The following PLCXD3 variants were observed in gnomAD, a reference collection of about 807,000 sequenced individuals.
PLCXD3 encodes PI-PLC X domain-containing protein 3.
In PLCXD3, 19 loss-of-function variants were observed where a neutral mutation model predicts 25.5. The ratio of observed to expected loss-of-function variants is 0.75; its 90% CI spans 0.52 to 1.09. PLCXD3 has a LOEUF of 1.09. Ranked by LOEUF, PLCXD3 falls within the 50% of genes least tolerant of loss-of-function variation. The pLI is 0.00. For synonymous variants in PLCXD3, 174 were observed against 137.6 expected (o/e 1.26, Z -1.85); for missense variants, 411 against 388.1 (o/e 1.06, Z -0.50).
intron 1 of PLCXD3, among the ~76,000 whole-genome samples, chr5:41,495,243 A>G (rs2150526967): frequency 6.6e-6 from 1 of 152,374 alleles, no homozygotes; most frequent in Non-Finnish European, 1.5e-5. Context: ...CTTTTGGAGA[A>G]GCCTGCCTAA....
chr5:41,509,963 T>G (rs1474762709), intron 1 of PLCXD3, among the ~76,000 whole-genome samples: 2 of 152,178 alleles, frequency 1.3e-5, no homozygotes, highest in Non-Finnish European at 2.9e-5. Flanking sequence ...TAGCCGAGAA[T>G]CTATCAAATC....
intron 1 of PLCXD3, among the ~76,000 whole-genome samples, chr5:41,495,245 C>G (rs898768808): frequency 2.0e-5 from 3 of 152,322 alleles, no homozygotes; most frequent in South Asian, 4.1e-4. Flanking sequence ...TTTGGAGAAG[C>G]CTGCCTAAGG....
At chr5:41,372,400 T>TCTTTAAC (rs1458258009) in intron 2 of PLCXD3, among the ~76,000 whole-genome samples, 1 of 151,718 alleles carries the variant, frequency 6.6e-6, no homozygotes, top group Non-Finnish European at 1.5e-5. Context: ...ACTTCTTTAG[T>TCTTTAAC]CTTTAACCTC....
At chr5:41,391,934 G>A (rs753433252) in intron 1 of PLCXD3, among the ~76,000 whole-genome samples, 6 of 152,160 alleles carry the variant, frequency 3.9e-5, no homozygotes, top group Non-Finnish European at 8.8e-5. Flanking sequence ...GTGGCCTGGG[G>A]TGGTGGTGGT....
intron 1 of PLCXD3, 29 bp downstream of exon 1, chr5:41,510,395 C>A: frequency 6.4e-7 from 1 of 1,570,708 alleles, no homozygotes; most frequent in South Asian, 1.1e-5. Context: ...GGGCGCCGAG[C>A]GCCTAGCCCG....
At chr5:41,490,432 G>T (rs1263340468) in intron 1 of PLCXD3, among the ~76,000 whole-genome samples, 1 of 152,082 alleles carries the variant, frequency 6.6e-6, no homozygotes, top group African/African-American at 2.4e-5. Context: ...TTTGGTATCA[G>T]GATGATGCTG....
intron 1 of PLCXD3, among the ~76,000 whole-genome samples, chr5:41,404,064 G>C (rs903196926): frequency 6.6e-6 from 1 of 152,088 alleles, no homozygotes; most frequent in Non-Finnish European, 1.5e-5. Flanking sequence ...GCTCTTCCAA[G>C]CAAATGACTC....
Position 41,437,665 on chromosome 5 carries a change from G to A in PLCXD3, c.104-55131C>T, listed in dbSNP as rs1375129751. 3.9e-5 allele frequency among the ~76,000 whole-genome samples: 6 copies of A among 152,330 alleles called. No individual in the cohort carries two copies. In the East Asian group the frequency reaches 1.2e-3, roughly 29 times the overall value. On this transcript the variant is annotated intron_variant, in intron 1 of 2. Transcript: ENST00000377801. The stretch of plus-strand genomic sequence containing the variant: ...CCCCATTGGTGCAAGAATAAAGACA[G>A]GAGTTTGAAGAAGAGTCGTAGGTCA...
At chr5:41,444,325 G>A (rs891250880) in intron 1 of PLCXD3, among the ~76,000 whole-genome samples, 2 of 152,124 alleles carry the variant, frequency 1.3e-5, no homozygotes, top group African/African-American at 4.8e-5. Context: ...TAGAATCAAA[G>A]GGAGTAAATT....
At chr5:41,426,166 C>G (rs909396570) in intron 1 of PLCXD3, among the ~76,000 whole-genome samples, 20 of 150,590 alleles carry the variant, frequency 1.3e-4, no homozygotes. Context: ...GTAGTGGTAT[C>G]TCATTGTTGT....
At chr5:41,320,327 A>G (rs1278574318) in intron 2 of PLCXD3, among the ~76,000 whole-genome samples, 1 of 152,176 alleles carries the variant, frequency 6.6e-6, no homozygotes, top group Non-Finnish European at 1.5e-5. Flanking sequence ...AAAAAACAAC[A>G]ACTATAAGCC....
At chr5:41,393,487 G>A (rs1215435977) in intron 1 of PLCXD3, among the ~76,000 whole-genome samples, 1 of 152,144 alleles carries the variant, frequency 6.6e-6, no homozygotes, top group East Asian at 1.9e-4. Flanking sequence ...CAAACATGAA[G>A]CAGAAATGGA....
intron 1 of PLCXD3, among the ~76,000 whole-genome samples, chr5:41,465,294 T>C (rs1747987201): frequency 6.8e-6 from 1 of 146,794 alleles, no homozygotes; most frequent in African/African-American, 2.5e-5. Context: ...GAAATTCAGC[T>C]TAGGAATATC....
At chr5:41,392,572 AC>A (rs1417595923) in intron 1 of PLCXD3, among the ~76,000 whole-genome samples, 2 of 152,074 alleles carry the variant, frequency 1.3e-5, no homozygotes, top group African/African-American at 4.8e-5. Context: ...TATCTGGAAA[AC>A]CTTCCCAAAA....
At chr5:41,435,901 C>G (rs926770537) in intron 1 of PLCXD3, among the ~76,000 whole-genome samples, 6 of 152,194 alleles carry the variant, frequency 3.9e-5, no homozygotes, top group African/African-American at 1.4e-4. Flanking sequence ...CCTCTGTGGC[C>G]TCATAGCCCT....
At chr5:41,353,786 G>C (rs1057380491) in intron 2 of PLCXD3, among the ~76,000 whole-genome samples, 1 of 152,174 alleles carries the variant, frequency 6.6e-6, no homozygotes, top group Non-Finnish European at 1.5e-5. Flanking sequence ...GGAGACTTAG[G>C]AGTTGGTGGT....
At chr5:41,478,875 T>G (rs1012262752) in intron 1 of PLCXD3, among the ~76,000 whole-genome samples, 6 of 152,280 alleles carry the variant, frequency 3.9e-5, no homozygotes, top group Admixed American at 1.3e-4. Context: ...CTTCTTCACA[T>G]GGCAGAGCAG....
chr5:41,503,586 C>G (rs1054694512), intron 1 of PLCXD3, among the ~76,000 whole-genome samples: 2 of 152,118 alleles, frequency 1.3e-5, no homozygotes, highest in African/African-American at 4.8e-5. Context: ...GACCTATCTT[C>G]CTGTCTTAAT....
intron 1 of PLCXD3, among the ~76,000 whole-genome samples, chr5:41,389,673 G>A (rs780700829): frequency 2.6e-5 from 4 of 152,164 alleles, no homozygotes; most frequent in African/African-American, 2.4e-5. Flanking sequence ...ACTTCAGGAA[G>A]TGAAAGAAGA....
Sources: gnomAD v4.1 joint callset for allele counts (sites outside exome capture counted in the v4.1 genomes callset) on GRCh38, gnomAD v4.1.1 for gene constraint, MANE v1.5 for transcripts, NCBI Gene and HGNC (gene_info 2026-07-23, HGNC 2026-07-21) for gene names.